The following PANK2 variants were observed in gnomAD, a reference collection of about 807,000 sequenced individuals.
PANK2 encodes pantothenate kinase 2, mitochondrial.
Under a neutral mutation model 43.1 loss-of-function variants are expected in PANK2, and 36 were observed. The ratio of observed to expected loss-of-function variants is 0.84; its 90% CI spans 0.64 to 1.10. The LOEUF is 1.10. PANK2 is among the 50% of genes least tolerant of loss of function. The pLI is 0.00. For missense variants in PANK2, 576 were observed against 593.3 expected, an observed-to-expected ratio of 0.97 and a Z score of 0.30; for synonymous variants, 281 against 238.2, an observed-to-expected ratio of 1.18 and a Z score of -1.66.
intron 1 of PANK2, among the ~76,000 whole-genome samples, chr20:3,903,005 ACAC>A (rs2090327353): frequency 7.3e-6 from 1 of 136,970 alleles, no homozygotes; most frequent in Non-Finnish European, 1.7e-5. Flanking sequence ...ACACACACAC[ACAC>A]ACACACACAC....
chr20:3,906,401 G>C (rs2146855253), intron 1 of PANK2, among the ~76,000 whole-genome samples: 1 of 152,220 alleles, frequency 6.6e-6, no homozygotes, highest in African/African-American at 2.4e-5. Context: ...TCTAGCCTGG[G>C]TGACAGTGAG....
intron 4 of PANK2, among the ~76,000 whole-genome samples, chr20:3,916,286 C>T (rs1440412913): frequency 6.6e-6 from 1 of 152,166 alleles, no homozygotes; most frequent in Non-Finnish European, 1.5e-5. Flanking sequence ...ATGGCTTTTA[C>T]TAATAGAAAA....
chr20:3,903,018 C>CACACA (rs1568564383), intron 1 of PANK2, among the ~76,000 whole-genome samples: 1 of 141,300 alleles, frequency 7.1e-6, no homozygotes, highest in African/African-American at 2.6e-5. Context: ...CACACACACA[C>CACACA]CCCTTTTACC....
At chr20:3,889,943 C>T (rs1402173557) in intron 1 of PANK2, 2 of 1,528,018 alleles carry the variant, frequency 1.3e-6, no homozygotes, top group Middle Eastern at 1.7e-4. Flanking sequence ...GTATGCACTT[C>T]CCGCTTGTTG....
chr20:3,900,047 T>G (rs2090276140), intron 1 of PANK2, among the ~76,000 whole-genome samples: 1 of 151,900 alleles, frequency 6.6e-6, no homozygotes. Context: ...TTTTTTTTTG[T>G]CCCTTCTTAA....
chr20:3,895,978 C>T (rs897625863), intron 1 of PANK2, among the ~76,000 whole-genome samples: 5 of 151,944 alleles, frequency 3.3e-5, no homozygotes, highest in African/African-American at 1.2e-4. Flanking sequence ...CATGGATTTG[C>T]GATGTCATTA....
chr20:3,912,377 GT>G, intron 3 of PANK2, 80 bp from the exon 4 acceptor site: 1 of 1,470,302 alleles, frequency 6.8e-7, no homozygotes, highest in Non-Finnish European at 9.5e-7. Context: ...TGTGAATATG[GT>G]TTTGGGGTTC....
intron 1 of PANK2, among the ~76,000 whole-genome samples, chr20:3,907,057 A>C (rs1204741832): frequency 2.8e-5 from 4 of 145,364 alleles, no homozygotes; most frequent in African/African-American, 5.1e-5. Context: ...AGCCTCCCCA[A>C]GTGTTGGGAT....
At chr20:3,906,981 T>A (rs1181456754) in intron 1 of PANK2, among the ~76,000 whole-genome samples, 1 of 152,062 alleles carries the variant, frequency 6.6e-6, no homozygotes, top group Admixed American at 6.6e-5. Flanking sequence ...GTATTTTTAG[T>A]AGAGATAGTT....
At chr20:3,899,571 T>C (rs2090266545) in intron 1 of PANK2, among the ~76,000 whole-genome samples, 1 of 151,910 alleles carries the variant, frequency 6.6e-6, no homozygotes, top group South Asian at 2.1e-4. Flanking sequence ...TGTAGGTGTG[T>C]GTGCAATCTA....
At position 3,924,726 on chromosome 20, in the gene PANK2, TCTGCCCTCCTCTG is replaced by T. The variant is rs1438852979; in HGVS notation, c.*1438_*1450del. On this transcript the variant is annotated 3_prime_UTR_variant, in exon 7 of 7. Transcript: ENST00000610179. ...CTCTGACGCCCTGATCCTGAGTTCCTCTGCCCTCCTCTGCTGCCAGCAGCGCTGTTGGTGGCCT... is the reference window on the plus strand; with the variant it reads ...CTCTGACGCCCTGATCCTGAGTTCCTCTGCCAGCAGCGCTGTTGGTGGCCT... 3 of 153,078 alleles carry T rather than the reference TCTGCCCTCCTCTG, an allele frequency of 2.0e-5. No individual in the cohort carries two copies. Among genetic ancestry groups the T allele is most frequent in the Non-Finnish European group, 2.9e-5 (2 of 68,706 alleles). The allele number at this position is 153,078 out of a possible 1,614,324, so 9.5% of individuals were successfully genotyped here.
intron 4 of PANK2, among the ~76,000 whole-genome samples, chr20:3,916,570 T>C (rs1378822368): frequency 1.3e-5 from 2 of 152,226 alleles, no homozygotes; most frequent in African/African-American, 4.8e-5. Flanking sequence ...GTGGAACAGC[T>C]GTGCAGTTGA....
upstream of PANK2, chr20:3,889,383 C>T (rs558404718): frequency 1.9e-5 from 30 of 1,575,706 alleles, no homozygotes; most frequent in Admixed American, 5.6e-5. Context: ...GAGGGCGCGC[C>T]TCTGCTCTGG....
chr20:3,889,915 GC>G (rs1048864756), intron 1 of PANK2, 187 bp downstream of exon 1: 9 of 1,530,878 alleles, frequency 5.9e-6, no homozygotes, highest in Non-Finnish European at 6.1e-6. Flanking sequence ...ACCTTCGGGG[GC>G]CCCCCCGCAC....
In PANK2 at chr20:3,914,663, C is replaced by T. The variant is rs537755181; in HGVS notation, c.1082+2029C>T. ...TGCCCAGGCTGGAGTGCAGTGACAC[C>T]ATCTTATCTCACTGAAACCTCTACC... On this transcript the variant is annotated intron_variant, in intron 4 of 6. Transcript: ENST00000610179. 3.0e-4 allele frequency among the ~76,000 whole-genome samples: 45 copies of T among 151,652 alleles called. No individual in the cohort carries two copies. In the South Asian group the frequency reaches 9.2e-3, roughly 31 times the overall value.
intron 6 of PANK2, among the ~76,000 whole-genome samples, chr20:3,920,122 T>A (rs1238366556): frequency 6.6e-6 from 1 of 152,218 alleles, no homozygotes; most frequent in Non-Finnish European, 1.5e-5. Flanking sequence ...TAGAATTTTT[T>A]AAACTCGAAT....
chr20:3,917,049 A>C lies in PANK2; in HGVS notation c.1205A>C (p.Glu402Ala), dbSNP rs1484517945. The change falls in exon 5 of 7, where the codon GAA becomes GCA. Residue 402 changes from glutamate (E) to alanine (A), a missense_variant and splice_region_variant. Glu to Ala is a moderately radical substitution (Grantham distance 107). Around this residue, in one of 2 missense-constraint regions of PANK2, gnomAD observed 544 missense variants for 528.9 expected, o/e 1.03. Coordinates refer to ENST00000610179, the MANE Select transcript of PANK2 (RefSeq NM_001386393.1). ...ATAGCAAGAATGTGTGCCCTTAATGAAGTAAGGGGACATGGATTTCTTTAA... is the reference window on the plus strand; with the variant it reads ...ATAGCAAGAATGTGTGCCCTTAATGCAGTAAGGGGACATGGATTTCTTTAA... 3.7e-6 allele frequency: 6 copies of C among 1,613,890 alleles called. No individual in the cohort carries two copies.
Position 3,889,486 on chromosome 20 carries a change from TCGGCGCGCCCATGGAGCGCCA to T in PANK2, c.61_81del (p.Ala21_Gly27del), listed in dbSNP as rs2090075768. On this transcript the variant is annotated inframe_deletion, in exon 1 of 7. Coordinates refer to ENST00000610179, the MANE Select transcript of PANK2 (RefSeq NM_001386393.1). ...CTGCTGCGGATGGGAGGGGGCCGGC[TCGGCGCGCCCATGGAGCGCCA>T]CGGCAGGGCTTCCGCCACCTCCGTC... 1 of 1,487,220 alleles carries T rather than the reference TCGGCGCGCCCATGGAGCGCCA, an allele frequency of 6.7e-7. No homozygotes were observed. Among genetic ancestry groups the T allele is most frequent in the African/African-American group, 1.4e-5 (1 of 69,226 alleles). 92.1% of individuals were successfully genotyped at this position (1,487,220 alleles called of 1,614,324 possible).
chr20:3,903,466 CTTTTTT>C (rs1258746977), intron 1 of PANK2, among the ~76,000 whole-genome samples: 1 of 117,486 alleles, frequency 8.5e-6, no homozygotes, highest in South Asian at 2.7e-4. Flanking sequence ...TCTTCTTTTC[CTTTTTT>C]TTTTTTTTTT....
Sources: gnomAD v4.1 joint callset for allele counts (sites outside exome capture counted in the v4.1 genomes callset) on GRCh38, gnomAD v4.1.1 for gene constraint, gnomAD v4.1.1 regional missense constraint, MANE v1.5 for transcripts, NCBI Gene and HGNC (gene_info 2026-07-23, HGNC 2026-07-21) for gene names.